FYB2: variants seen among roughly 807,000 people sequenced by gnomAD.
The protein encoded by FYB2 is FYN-binding protein 2.
Under a neutral mutation model 94.1 loss-of-function variants are expected in FYB2, and 103 were observed. The observed-to-expected ratio is 1.09, with a 90% CI of 0.93 to 1.29. The LOEUF (loss-of-function observed/expected upper bound fraction) is 1.29. FYB2 is among the 50% of genes most tolerant of loss of function. FYB2 has a pLI of 0.00. For synonymous variants in FYB2, 293 were observed against 287.9 expected, an observed-to-expected ratio of 1.02 and a Z score of -0.18; for missense variants, 896 against 841.5, an observed-to-expected ratio of 1.06 and a Z score of -0.80.
At chr1:56,826,480 T>A in the FYB2 span, 1 of 152,308 alleles carries the variant, frequency 6.6e-6, no homozygotes, top group Non-Finnish European at 1.5e-5. Flanking sequence ...ATTTCTGAGC[T>A]CTCCATGCTG....
intron 15 of FYB2, chr1:56,731,796 C>G (rs1644716561): frequency 6.6e-6 from 1 of 152,088 alleles, no homozygotes. Flanking sequence ...ATTCAACATC[C>G]TTTCATAATA....
chr1:56,733,528 G>T (rs932498079), intron 15 of FYB2, among the ~76,000 whole-genome samples: 1 of 152,062 alleles, frequency 6.6e-6, no homozygotes, highest in African/African-American at 2.4e-5. Context: ...TGAAGTTAGG[G>T]TGTCGATTTT....
chr1:56,776,200 G>A (rs530753372), intron 4 of FYB2, among the ~76,000 whole-genome samples: 2 of 152,156 alleles, frequency 1.3e-5, no homozygotes, highest in Non-Finnish European at 2.9e-5. Flanking sequence ...GAGCCTGTGA[G>A]TGGGCTTTGG....
chr1:56,727,163 AAAGT>A (rs1644600825), intron 15 of FYB2, among the ~76,000 whole-genome samples: 1 of 152,130 alleles, frequency 6.6e-6, no homozygotes, highest in African/African-American at 2.4e-5. Context: ...TTTGGTTTTC[AAAGT>A]AAGTATTGCA....
intron 15 of FYB2, 78 bp downstream of exon 15, chr1:56,737,009 T>C: frequency 8.2e-6 from 9 of 1,103,720 alleles, no homozygotes; most frequent in South Asian, 2.7e-5. Context: ...GAAAAGATGG[T>C]TCTGTGATCA....
chr1:56,792,226 GA>G lies in FYB2; in HGVS notation c.586del (p.Ser196ProfsTer21). 1 of 1,613,734 alleles carries G rather than the reference GA, an allele frequency of 6.2e-7. No homozygotes were observed. The highest frequency in any genetic ancestry group is 1.3e-5 in the African/African-American group (1 of 74,978). On this transcript the variant is annotated frameshift_variant, in exon 2 of 20. Transcript: ENST00000343433. LOFTEE classifies it high-confidence loss of function. ...TTTGGGGGCCACCACGTGCTTCTGG[GA>G]AGGAAGAGTCTGGGCTCCTTTTGTT... is the stretch of plus-strand genomic sequence containing the variant. ...LETKGAQTLPSQKHVVAPKIL... is the reference protein window; with the variant it reads ...LETKGAQTLPXQKHVVAPKIL...
chr1:56,768,833 T>G (rs901058217), intron 4 of FYB2, among the ~76,000 whole-genome samples: 1 of 152,110 alleles, frequency 6.6e-6, no homozygotes, highest in Non-Finnish European at 1.5e-5. Context: ...AATACATGTG[T>G]TTTTAGTATT....
At chr1:56,764,579 A>G (rs1645578123) in intron 5 of FYB2, among the ~76,000 whole-genome samples, 1 of 148,702 alleles carries the variant, frequency 6.7e-6, no homozygotes, top group African/African-American at 2.5e-5. Flanking sequence ...CTCTTTCTCT[A>G]TAGAGACATT....
intron 17 of FYB2, among the ~76,000 whole-genome samples, chr1:56,721,503 C>T (rs1299441858): frequency 6.6e-6 from 1 of 151,896 alleles, no homozygotes; most frequent in Non-Finnish European, 1.5e-5. Context: ...CTTTTTTATC[C>T]TTTACAGGCC....
chr1:56,819,263 A>G lies in FYB2; in HGVS notation c.9+19T>C. ...AAAAGACACACAGAAAGCCAGCAAC[A>G]AAACTGAGACAGCCTTACCCCTTCC... On this transcript the variant is annotated intron_variant, in intron 1 of 19. Coordinates refer to ENST00000343433, the MANE Select transcript of FYB2 (RefSeq NM_001004303.5). 1 of 1,614,232 alleles carries G rather than the reference A, an allele frequency of 6.2e-7. No individual in the cohort carries two copies. The highest frequency in any genetic ancestry group is 8.5e-7 in the Non-Finnish European group (1 of 1,180,030).
intron 9 of FYB2, among the ~76,000 whole-genome samples, chr1:56,747,544 G>A (rs857116): frequency 0.22 from 34,129 of 151,900 alleles, 3,940 homozygotes; most frequent in South Asian, 0.33. Context: ...TGCTGAGAAT[G>A]ATGGCTTCCA....
chr1:56,775,004 A>C (rs1209276456), intron 4 of FYB2, among the ~76,000 whole-genome samples: 1 of 152,134 alleles, frequency 6.6e-6, no homozygotes, highest in Non-Finnish European at 1.5e-5. Flanking sequence ...CTGCACTGTC[A>C]GCCTTCAAAA....
intron 14 of FYB2, chr1:56,737,729 A>C (rs1278655701): frequency 6.6e-6 from 1 of 152,128 alleles, no homozygotes; most frequent in East Asian, 1.9e-4. Context: ...CATGATTTTC[A>C]TTTGATTCAC....
At chr1:56,817,492 T>C (rs1646909909) in intron 1 of FYB2, among the ~76,000 whole-genome samples, 1 of 152,210 alleles carries the variant, frequency 6.6e-6, no homozygotes, top group African/African-American at 2.4e-5. Flanking sequence ...GTTACTGCCA[T>C]TTGACCCATA....
At chr1:56,803,714 A>C (rs534113665) in intron 1 of FYB2, among the ~76,000 whole-genome samples, 4 of 152,180 alleles carry the variant, frequency 2.6e-5, no homozygotes, top group Admixed American at 6.6e-5. Flanking sequence ...GCCACCACAC[A>C]GCTTTATGTT....
Position 56,792,660 on chromosome 1 carries a change from A to T in FYB2, c.153T>A (p.Asn51Lys), listed in dbSNP as rs761799664. 1 of 1,614,030 alleles carries T rather than the reference A, an allele frequency of 6.2e-7. No individual in the cohort carries two copies. Among genetic ancestry groups the T allele is most frequent in the Non-Finnish European group, 8.5e-7 (1 of 1,179,982 alleles). The change falls in exon 2 of 20, where the codon AAT becomes AAA. Residue 51 changes from asparagine (N) to lysine (K), a missense_variant. By Grantham distance (94) the Asn-to-Lys change is moderately conservative. Transcript: ENST00000343433. ...TGTGGTTGGATGAGAGGGGTTTCCC[A>T]TTGGCCAAAATTTGAGTTGACTGTG... ...GGTQSTQILANGKPLSSNHKQ... is the reference protein window; with the variant it reads ...GGTQSTQILAKGKPLSSNHKQ...
At chr1:56,731,634 C>T (rs139822238) in intron 15 of FYB2, among the ~76,000 whole-genome samples, 2 of 152,174 alleles carry the variant, frequency 1.3e-5, no homozygotes, top group African/African-American at 4.8e-5. Flanking sequence ...CATATTGATG[C>T]CCATCAATCA....
chr1:56,793,599 T>C (rs1646325086), intron 1 of FYB2, among the ~76,000 whole-genome samples: 1 of 152,088 alleles, frequency 6.6e-6, no homozygotes, highest in Non-Finnish European at 1.5e-5. Context: ...CGAAGGGGCA[T>C]AAAGTTTGAA....
intron 1 of FYB2, among the ~76,000 whole-genome samples, chr1:56,816,175 A>G (rs181689628): frequency 5.9e-5 from 9 of 152,254 alleles, no homozygotes; most frequent in Admixed American, 3.9e-4. Context: ...ATTTTGTGGG[A>G]TAGGAATTTG....
Sources: gnomAD v4.1 joint callset for allele counts (sites outside exome capture counted in the v4.1 genomes callset) on GRCh38, gnomAD v4.1.1 for gene constraint, MANE v1.5 for transcripts, NCBI Gene and HGNC (gene_info 2026-07-23, HGNC 2026-07-21) for gene names.